The following KLHL10 variants were observed in gnomAD, a reference collection of about 807,000 sequenced individuals.
KLHL10 encodes kelch-like protein 10.
A neutral mutation model predicts 46.6 loss-of-function variants in KLHL10; 11 were observed. The ratio of observed to expected loss-of-function variants is 0.24; its 90% confidence interval spans 0.15 to 0.39. The LOEUF is 0.39. Ranked by LOEUF, KLHL10 falls within the 10% of genes least tolerant of loss-of-function variation. The pLI, the probability that KLHL10 is intolerant of heterozygous loss-of-function variation, is 1.00. For synonymous variants in KLHL10, 254 were observed against 279.1 expected (o/e 0.91, Z 0.90); for missense variants, 475 against 789.8 (o/e 0.60, Z 4.78).
intron 2 of KLHL10, among the ~76,000 whole-genome samples, chr17:41,844,293 C>T (rs1029187856): frequency 8.1e-5 from 12 of 148,654 alleles, no homozygotes; most frequent in South Asian, 2.2e-4. Context: ...TGTGGTAGCA[C>T]GATCTCGGCT....
chr17:41,843,000 G>A (rs2048242333), intron 2 of KLHL10, among the ~76,000 whole-genome samples: 1 of 151,778 alleles, frequency 6.6e-6, no homozygotes, highest in Non-Finnish European at 1.5e-5. Flanking sequence ...GTGCATGCCT[G>A]CAGTTCCAGC....
At chr17:41,843,949 G>T (rs2144132626) in intron 2 of KLHL10, among the ~76,000 whole-genome samples, 1 of 151,506 alleles carries the variant, frequency 6.6e-6, no homozygotes, top group South Asian at 2.1e-4. Flanking sequence ...TTTTAGTAGA[G>T]ACGGGGTTTC....
chr17:41,843,812 A>C (rs886349442), intron 2 of KLHL10, among the ~76,000 whole-genome samples: 4 of 152,098 alleles, frequency 2.6e-5, no homozygotes, highest in African/African-American at 9.7e-5. Flanking sequence ...CCCAGGCTGG[A>C]GTGCAGTGAT....
At chr17:41,837,812 C>T, upstream of KLHL10, 1 of 1,538,084 alleles carries the variant, frequency 6.5e-7, no homozygotes, top group East Asian at 2.3e-5. Flanking sequence ...ACTTGGGTTG[C>T]CTGATAGACC....
intron 1 of KLHL10, among the ~76,000 whole-genome samples, chr17:41,840,503 G>T (rs1482038838): frequency 2.0e-5 from 3 of 151,922 alleles, no homozygotes; most frequent in Admixed American, 2.0e-4. Context: ...CAAAAAGCCG[G>T]GCATGGTGGT....
rs553598432 is a variant in KLHL10 at position 41,844,825 on chromosome 17, G to A, written c.685-301G>A. On this transcript the variant is annotated intron_variant, in intron 2 of 4. Coordinates refer to ENST00000293303, the MANE Select transcript of KLHL10 (RefSeq NM_152467.5). ...CGGCCTCCCAAAGTGCTGGGATTAC[G>A]GCCGTGAGCCACCTCGCCTGGCCCC... 8.4e-4 allele frequency among the ~76,000 whole-genome samples: 127 copies of A among 152,054 alleles called. 4 individuals carry two copies. In the South Asian group the frequency reaches 0.026, roughly 31 times the overall value.
rs781951302 is a variant in KLHL10, at chr17:41,848,134, G to A, written c.1654G>A (p.Asp552Asn). 34 of 1,614,118 alleles carry A rather than the reference G, an allele frequency of 2.1e-5. No individual in the cohort carries two copies. The East Asian group carries it at 5.3e-4, about 25-fold the overall frequency. ...TGTTGAGTGCTATGATGAAAAGACC[G>A]ATGAGTGGTATGATGCTCATGACAT... is the stretch of plus-strand genomic sequence containing the variant. ...FNVECYDEKTDEWYDAHDMSI... is the reference protein window; with the variant it reads ...FNVECYDEKTNEWYDAHDMSI... Residue 552 changes from aspartate to asparagine, a missense_variant, in exon 5 of 5, where the codon GAT becomes AAT. Transcript: ENST00000293303.
Position 41,842,318 on chromosome 17 carries a change from T to C in KLHL10, c.684+6T>C, listed in dbSNP as rs2048234914. On this transcript the variant is annotated splice_donor_region_variant and intron_variant, in intron 2 of 4. Coordinates refer to ENST00000293303, the MANE Select transcript of KLHL10 (RefSeq NM_152467.5). The stretch of plus-strand genomic sequence containing the variant: ...TTTCAATTTTGCTTCCTAAGGTCAG[T>C]GTTCACTCTTGATTCATTTATCACA... 1 of 1,613,626 alleles carries C rather than the reference T, an allele frequency of 6.2e-7. No individual in the cohort carries two copies. Among genetic ancestry groups the C allele is most frequent in the South Asian group, 1.1e-5 (1 of 91,064 alleles).
At chr17:41,846,236 A>C (rs1284241809) in intron 3 of KLHL10, among the ~76,000 whole-genome samples, 3 of 149,120 alleles carry the variant, frequency 2.0e-5, no homozygotes, top group Non-Finnish European at 4.5e-5. Context: ...AAAAAAAGTA[A>C]TGCAGGCTGG....
At chr17:41,836,285 G>T, upstream of KLHL10, 1 of 1,232,274 alleles carries the variant, frequency 8.1e-7, no homozygotes, top group Admixed American at 4.2e-5. Context: ...GCCCGGGCGG[G>T]GGTTGGTGGG....
intron 3 of KLHL10, 100 bp from the exon 4 acceptor site, chr17:41,847,161 T>G (rs1414656953): frequency 9.8e-7 from 1 of 1,018,024 alleles, no homozygotes; most frequent in Non-Finnish European, 1.6e-6. Context: ...AAATTCAGAC[T>G]GTACAGACTG....
intron 2 of KLHL10, among the ~76,000 whole-genome samples, chr17:41,842,713 G>A (rs1555620879): frequency 6.6e-6 from 1 of 152,018 alleles, no homozygotes; most frequent in South Asian, 2.1e-4. Flanking sequence ...CAAGATGGGC[G>A]GATTACCTGA....
chr17:41,836,234 G>A (rs1448350578), upstream of KLHL10: 2 of 1,143,386 alleles, frequency 1.7e-6, no homozygotes, highest in African/African-American at 1.7e-5. Context: ...GACAACGACA[G>A]CCCCGCGACC....
chr17:41,836,433 G>A (rs1470786773), upstream of KLHL10: 12 of 985,266 alleles, frequency 1.2e-5, no homozygotes, highest in Non-Finnish European at 1.2e-5. Flanking sequence ...AGGTCCCAAG[G>A]TGTTGGGGTT....
intron 1 of KLHL10, 142 bp downstream of exon 1, chr17:41,838,268 AT>A (rs1419090952): frequency 1.5e-3 from 1,002 of 672,986 alleles, no homozygotes; most frequent in East Asian, 1.8e-3. Flanking sequence ...TTAAAAAAAA[AT>A]TTTTTTTTTA....
chr17:41,844,585 G>A (rs569265050), intron 2 of KLHL10, among the ~76,000 whole-genome samples: 1 of 134,198 alleles, frequency 7.5e-6, no homozygotes, highest in African/African-American at 3.0e-5. Flanking sequence ...GTCTTGCTCT[G>A]TGGCCCAGGC....
intron 4 of KLHL10, 79 bp downstream of exon 4, chr17:41,847,489 T>C: frequency 6.5e-7 from 1 of 1,543,104 alleles, no homozygotes; most frequent in Admixed American, 1.7e-5. Context: ...TTTATGCTAC[T>C]ATTGGTAAGT....
At chr17:41,837,713 G>A, upstream of KLHL10, 1 of 1,283,304 alleles carries the variant, frequency 7.8e-7, no homozygotes, top group Non-Finnish European at 1.0e-6. Context: ...TGGTAAGGAG[G>A]GGAGAAGGAA....
At chr17:41,836,207 T>C (rs1352482457), upstream of KLHL10, 2 of 1,228,368 alleles carry the variant, frequency 1.6e-6, no homozygotes, top group Non-Finnish European at 2.0e-6. Context: ...GTTCGAGGCC[T>C]GGTCGGCGGC....
Sources: gnomAD v4.1 joint callset for allele counts (sites outside exome capture counted in the v4.1 genomes callset) on GRCh38, gnomAD v4.1.1 for gene constraint, MANE v1.5 for transcripts, NCBI Gene and HGNC (gene_info 2026-07-23, HGNC 2026-07-21) for gene names.